The following CRB1 variants were observed in gnomAD, a reference collection of about 807,000 sequenced individuals.
CRB1 encodes the protein protein crumbs homolog 1.
A neutral mutation model predicts 120.0 loss-of-function variants in CRB1; 83 were observed. The ratio of observed to expected loss-of-function variants is 0.69; its 90% CI spans 0.58 to 0.83. The LOEUF (loss-of-function observed/expected upper bound fraction) is 0.83. Among genes scored for constraint, CRB1 ranks in the 40% least tolerant of loss-of-function variants. The pLI, the probability that CRB1 is intolerant of heterozygous loss-of-function variation, is 0.00. For missense variants in CRB1, 1,699 were observed against 1,687.6 expected (o/e 1.01, Z -0.12); for synonymous variants, 625 against 612.5 (o/e 1.02, Z -0.30).
At chr1:197,360,094 TG>T (rs1327624185) in intron 5 of CRB1, among the ~76,000 whole-genome samples, 1 of 152,194 alleles carries the variant, frequency 6.6e-6, no homozygotes, top group Non-Finnish European at 1.5e-5. Flanking sequence ...TTATTAGTGT[TG>T]GGAAAGGCAG....
At chr1:197,420,416 T>G (rs1204236862) in intron 5 of CRB1, among the ~76,000 whole-genome samples, 1 of 152,196 alleles carries the variant, frequency 6.6e-6, no homozygotes, top group Non-Finnish European at 1.5e-5. Context: ...ATAGACATCA[T>G]GTTTTACACT....
chr1:197,434,357 C>A (rs1206180380), intron 8 of CRB1, among the ~76,000 whole-genome samples: 1 of 152,088 alleles, frequency 6.6e-6, no homozygotes. Context: ...TAAAAATTGG[C>A]ATGCATTAGG....
intron 11 of CRB1, among the ~76,000 whole-genome samples, chr1:197,468,497 G>A (rs1666843909): frequency 6.6e-6 from 1 of 152,020 alleles, no homozygotes; most frequent in Non-Finnish European, 1.5e-5. Flanking sequence ...GGGTTCTATA[G>A]AACTCTTCTT....
At chr1:197,270,142 T>G (rs1364180074) in intron 1 of CRB1, among the ~76,000 whole-genome samples, 5 of 152,190 alleles carry the variant, frequency 3.3e-5, no homozygotes, top group Non-Finnish European at 7.4e-5. Context: ...CCTTATTACC[T>G]AGTATTCTTG....
intron 1 of CRB1, among the ~76,000 whole-genome samples, chr1:197,298,465 C>A (rs916850643): frequency 1.9e-4 from 29 of 152,052 alleles, no homozygotes; most frequent in African/African-American, 6.5e-4. Flanking sequence ...CGAGAGGAAC[C>A]TTTAAGTAGT....
intron 11 of CRB1, among the ~76,000 whole-genome samples, chr1:197,447,643 G>A (rs1229989937): frequency 6.6e-6 from 1 of 151,774 alleles, no homozygotes; most frequent in Non-Finnish European, 1.5e-5. Context: ...GGATTTCCAG[G>A]CCAGCTAGGA....
intron 5 of CRB1, 76 bp downstream of exon 5, chr1:197,357,089 AT>A: frequency 7.0e-7 from 1 of 1,437,028 alleles, no homozygotes; most frequent in Non-Finnish European, 9.8e-7. Context: ...CAAATGGTGT[AT>A]TAGCAGGAAG....
intron 1 of CRB1, among the ~76,000 whole-genome samples, chr1:197,282,347 T>C (rs949242334): frequency 2.0e-5 from 3 of 151,836 alleles, no homozygotes; most frequent in African/African-American, 7.2e-5. Flanking sequence ...TAGAGCGAAG[T>C]TCTATAAAAT....
At chr1:197,395,657 C>G (rs753293208) in intron 5 of CRB1, among the ~76,000 whole-genome samples, 35 of 152,200 alleles carry the variant, frequency 2.3e-4, no homozygotes, top group Non-Finnish European at 4.4e-4. Context: ...TGTGCCAGCA[C>G]GGACCTCCCT....
At chr1:197,202,719 TA>T in the CRB1 span, among the ~76,000 whole-genome samples, 2 of 152,060 alleles carry the variant, frequency 1.3e-5, no homozygotes, top group African/African-American at 4.8e-5. Context: ...AGAGAACCAA[TA>T]GACCAAAAAT....
chr1:197,315,086 C>A (rs922499101), intron 1 of CRB1, among the ~76,000 whole-genome samples: 1 of 152,176 alleles, frequency 6.6e-6, no homozygotes, highest in African/African-American at 2.4e-5. Context: ...AATCCAAATC[C>A]CAGGAGATCA....
At chr1:197,426,348 G>T (rs951759343) in intron 6 of CRB1, among the ~76,000 whole-genome samples, 1 of 151,830 alleles carries the variant, frequency 6.6e-6, no homozygotes, top group Non-Finnish European at 1.5e-5. Context: ...CTCCCTGATT[G>T]TTCTATTTAA....
Position 197,328,835 on chromosome 1 carries a change from G to T in CRB1, c.484G>T (p.Val162Leu). Residue 162 changes from valine (V) to leucine (L), a missense_variant, in exon 2 of 12, where the codon GTG (valine) becomes TTG (leucine). By Grantham distance (32) the Val-to-Leu change is conservative. Transcript: ENST00000367400. ...TTCCAGCCCTTGCCAAAATGGGGCC[G>T]TGTGCCAGGATGGAATTGATGGTTA... is the stretch of plus-strand genomic sequence containing the variant. Reference protein sequence around the residue: ...CASSPCQNGAVCQDGIDGYSC... With the variant: ...CASSPCQNGALCQDGIDGYSC... 3 of 1,614,076 alleles carry T rather than the reference G, an allele frequency of 1.9e-6. No homozygotes were observed. Among genetic ancestry groups the T allele is most frequent in the Non-Finnish European group, 2.5e-6 (3 of 1,179,984 alleles).
chr1:197,386,041 A>G (rs78918786), intron 5 of CRB1, among the ~76,000 whole-genome samples: 3,100 of 152,066 alleles, frequency 0.02, 90 homozygotes, highest in African/African-American at 0.067. Flanking sequence ...TCTAACATTC[A>G]TATGTCTAGG....
the CRB1 span, among the ~76,000 whole-genome samples, chr1:197,257,296 GC>G: frequency 5.3e-5 from 8 of 152,092 alleles, no homozygotes; most frequent in Non-Finnish European, 8.8e-5. Flanking sequence ...ATGCCCGCCC[GC>G]TTTGGAGAGG....
intron 6 of CRB1, among the ~76,000 whole-genome samples, chr1:197,426,434 A>G (rs1342598625): frequency 2.0e-5 from 3 of 152,054 alleles, no homozygotes; most frequent in African/African-American, 7.2e-5. Context: ...ATTTCTCACC[A>G]TCTGACATAT....
At chr1:197,446,320 A>G (rs1302564280) in intron 11 of CRB1, among the ~76,000 whole-genome samples, 1 of 152,190 alleles carries the variant, frequency 6.6e-6, no homozygotes. Context: ...AGGTCAAGGA[A>G]AGTTTCCTGA....
At chr1:197,365,613 T>TCTC (rs1571404007) in intron 5 of CRB1, among the ~76,000 whole-genome samples, 1 of 128,624 alleles carries the variant, frequency 7.8e-6, no homozygotes, top group Admixed American at 7.0e-5. Context: ...TCCTTCTCCT[T>TCTC]CTTCTTCTTC....
chr1:197,238,939 G>T, the CRB1 span, among the ~76,000 whole-genome samples: 2 of 152,076 alleles, frequency 1.3e-5, no homozygotes, highest in African/African-American at 4.8e-5. Flanking sequence ...ATATCGACCT[G>T]TGAAAAGTGT....
Sources: gnomAD v4.1 joint callset for allele counts (sites outside exome capture counted in the v4.1 genomes callset) on GRCh38, gnomAD v4.1.1 for gene constraint, MANE v1.5 for transcripts, NCBI Gene and HGNC (gene_info 2026-07-23, HGNC 2026-07-21) for gene names.